The following TRDN variants were observed in gnomAD, a reference collection of about 807,000 sequenced individuals.
The protein encoded by TRDN is triadin, also known as triadin in skeletal muscle.
In TRDN, 161 loss-of-function variants were observed where a neutral mutation model predicts 149.7. That is an observed-to-expected ratio of 1.08 (90% CI 0.95 to 1.23). The LOEUF (loss-of-function observed/expected upper bound fraction) is 1.23. Among genes scored for constraint, TRDN ranks in the 50% most tolerant of loss-of-function variants. TRDN has a pLI of 0.00. For missense variants in TRDN, 896 were observed against 823.5 expected (o/e 1.09, Z -1.08); for synonymous variants, 294 against 250.5 (o/e 1.17, Z -1.64).
At chr6:123,248,552 A>G (rs560662393) in intron 38 of TRDN, among the ~76,000 whole-genome samples, 1 of 152,024 alleles carries the variant, frequency 6.6e-6, no homozygotes, top group Admixed American at 6.6e-5. Context: ...GTGAGACTCC[A>G]TCTCAAAAAA....
chr6:123,221,762 G>C (rs1163763491), intron 39 of TRDN, among the ~76,000 whole-genome samples: 1 of 151,658 alleles, frequency 6.6e-6, no homozygotes, highest in Non-Finnish European at 1.5e-5. Flanking sequence ...ACAAACAATT[G>C]TTTAAATAGG....
chr6:123,476,907 A>T (rs1410238274), intron 9 of TRDN, among the ~76,000 whole-genome samples: 1 of 151,422 alleles, frequency 6.6e-6, no homozygotes, highest in South Asian at 2.1e-4. Context: ...ACAAAAATCA[A>T]TTCAAGATGG....
intron 38 of TRDN, 32 bp from the exon 39 acceptor site, chr6:123,224,163 C>T: frequency 1.2e-6 from 2 of 1,602,576 alleles, no homozygotes; most frequent in Non-Finnish European, 1.7e-6. Context: ...CATAGAATCA[C>T]AGTCAATTTT....
At chr6:123,258,639 C>T (rs559648742) in intron 35 of TRDN, among the ~76,000 whole-genome samples, 31 of 151,964 alleles carry the variant, frequency 2.0e-4, no homozygotes, top group South Asian at 6.2e-4. Context: ...GTAAGGTTGA[C>T]GCTGGCCTCA....
chr6:123,293,264 T>C (rs1778075874), intron 24 of TRDN, among the ~76,000 whole-genome samples: 1 of 152,078 alleles, frequency 6.6e-6, no homozygotes, highest in Non-Finnish European at 1.5e-5. Flanking sequence ...GCTTGGTAAA[T>C]AGAACTCTCC....
At chr6:123,404,702 C>T (rs143379662) in intron 12 of TRDN, among the ~76,000 whole-genome samples, 47 of 152,310 alleles carry the variant, frequency 3.1e-4, no homozygotes, top group Non-Finnish European at 6.3e-4. Flanking sequence ...GCCTCAGCTT[C>T]CCAAAGCGCT....
chr6:123,627,571 C>A (rs1035650242), intron 1 of TRDN, among the ~76,000 whole-genome samples: 3 of 152,162 alleles, frequency 2.0e-5, no homozygotes, highest in Non-Finnish European at 4.4e-5. Flanking sequence ...GGTAAACCAG[C>A]ATTGGCTTCA....
intron 2 of TRDN, among the ~76,000 whole-genome samples, chr6:123,563,599 C>A (rs1276273441): frequency 6.6e-6 from 1 of 152,060 alleles, no homozygotes; most frequent in Non-Finnish European, 1.5e-5. Flanking sequence ...AGCTACGATT[C>A]AACAGAAATA....
intron 24 of TRDN, among the ~76,000 whole-genome samples, chr6:123,308,161 C>T (rs1778683902): frequency 6.6e-6 from 1 of 152,034 alleles, no homozygotes; most frequent in Non-Finnish European, 1.5e-5. Context: ...CGACTTCCAG[C>T]TGCATCAATT....
chr6:123,629,026 A>G (rs1230877804), intron 1 of TRDN, among the ~76,000 whole-genome samples: 1 of 152,110 alleles, frequency 6.6e-6, no homozygotes, highest in Non-Finnish European at 1.5e-5. Context: ...TAACTTTCAG[A>G]TTTTACAGTA....
At chr6:123,288,398 C>A (rs528617949) in intron 24 of TRDN, among the ~76,000 whole-genome samples, 36 of 152,036 alleles carry the variant, frequency 2.4e-4, no homozygotes, top group African/African-American at 8.7e-4. Flanking sequence ...TTGAGTGAAA[C>A]TAAAAAGCCT....
At chr6:123,553,853 T>A (rs1468528777) in intron 2 of TRDN, among the ~76,000 whole-genome samples, 8 of 152,308 alleles carry the variant, frequency 5.3e-5, no homozygotes, top group Non-Finnish European at 1.2e-4. Flanking sequence ...CATGTGGGAA[T>A]CATGGGAGCT....
At chr6:123,544,167 C>A (rs920594879) in intron 4 of TRDN, among the ~76,000 whole-genome samples, 2 of 151,434 alleles carry the variant, frequency 1.3e-5, no homozygotes, top group African/African-American at 4.8e-5. Context: ...TAGAATGAGA[C>A]AGCGTTCATC....
intron 12 of TRDN, among the ~76,000 whole-genome samples, chr6:123,413,884 G>A (rs186634424): frequency 1.7e-4 from 26 of 152,216 alleles, no homozygotes; most frequent in Admixed American, 7.2e-4. Flanking sequence ...ACTCTCAGAA[G>A]AGGATGAAGC....
In TRDN at chr6:123,475,617, T is replaced by C. The variant is rs1429838732; in HGVS notation, c.854-10634A>G. 3.3e-5 allele frequency among the ~76,000 whole-genome samples: 4 copies of C among 121,278 alleles called. No individual in the cohort carries two copies. In the East Asian group the frequency reaches 9.5e-4, roughly 29 times the overall value. 79.6% of individuals were successfully genotyped at this position (121,278 alleles called of 152,430 possible). A position where few individuals can be genotyped will look rare whatever the true frequency, so the allele number is the denominator to read the frequency against. ...AGAGACACAACCAAAAAAGAGAATT[T>C]TAGACCAATATCCTTGATGAACATT... On this transcript the variant is annotated intron_variant, in intron 9 of 40. Coordinates refer to ENST00000334268, the MANE Select transcript of TRDN (RefSeq NM_006073.4).
At chr6:123,539,572 A>G (rs1157743209) in intron 4 of TRDN, among the ~76,000 whole-genome samples, 2 of 152,198 alleles carry the variant, frequency 1.3e-5, no homozygotes, top group Admixed American at 1.3e-4. Context: ...AACAATACCA[A>G]TACCTCCTTG....
At chr6:123,473,685 A>C (rs962876743) in intron 9 of TRDN, among the ~76,000 whole-genome samples, 2 of 151,590 alleles carry the variant, frequency 1.3e-5, no homozygotes, top group African/African-American at 4.8e-5. Context: ...TGTTAAGGGC[A>C]GCCAGAGAGA....
intron 24 of TRDN, among the ~76,000 whole-genome samples, chr6:123,282,728 A>G (rs1380205171): frequency 6.6e-6 from 1 of 151,850 alleles, no homozygotes; most frequent in Non-Finnish European, 1.5e-5. Context: ...AAACTGCTCT[A>G]TTAGATCAAA....
At chr6:123,621,933 T>A (rs938481732) in intron 1 of TRDN, among the ~76,000 whole-genome samples, 23 of 152,172 alleles carry the variant, frequency 1.5e-4, no homozygotes, top group African/African-American at 5.3e-4. Context: ...TATGTGGATA[T>A]CAACTCCATT....
Sources: allele counts gnomAD v4.1 joint callset (sites outside exome capture counted in the v4.1 genomes callset), GRCh38; gene constraint gnomAD v4.1.1; transcripts MANE v1.5; gene names NCBI Gene and HGNC (gene_info 2026-07-23, HGNC 2026-07-21).